Variants in PRAG1 observed in about 807,000 individuals in gnomAD.
PRAG1 encodes the protein inactive tyrosine-protein kinase PRAG1.
PRAG1 carries 110 observed loss-of-function variants against 95.6 expected under a neutral mutation model. The ratio of observed to expected loss-of-function variants is 1.15; its 90% CI spans 0.99 to 1.35. PRAG1 has a LOEUF of 1.35. Among genes scored for constraint, PRAG1 ranks in the 40% most tolerant of loss-of-function variants. The pLI is 0.00. For missense variants in PRAG1, 2,554 were observed against 1,864.7 expected (o/e 1.37, Z -6.81); for synonymous variants, 1,052 against 819.4 (o/e 1.28, Z -4.85).
At chr8:8,360,437 G>T (rs1799808810) in intron 3 of PRAG1, among the ~76,000 whole-genome samples, 1 of 152,042 alleles carries the variant, frequency 6.6e-6, no homozygotes, top group Admixed American at 6.6e-5. Flanking sequence ...GCCTCCTCTA[G>T]AAAATCCTAC....
intron 4 of PRAG1, among the ~76,000 whole-genome samples, chr8:8,333,497 A>C (rs1377048797): frequency 6.6e-6 from 1 of 152,204 alleles, no homozygotes; most frequent in Non-Finnish European, 1.5e-5. Context: ...AGAGATGAGA[A>C]ATCAGGATTT....
At position 8,348,009 on chromosome 8, in the gene PRAG1, C is replaced by T. The variant is rs145446055; in HGVS notation, c.2163-8374G>A. Among the ~76,000 whole-genome samples the T allele has an allele frequency of 6.2e-3, 939 of 152,200 alleles. 5 individuals are homozygous for T. Among genetic ancestry groups the T allele is most frequent in the African/African-American group, 0.018 (759 of 41,520 alleles). The stretch of plus-strand genomic sequence containing the variant: ...TTGGCTCACTACAACCTCTGCCTCC[C>T]CGGTTCAAGAGATTCTCATGCTTCA... On this transcript the variant is annotated intron_variant, in intron 3 of 5. Transcript: ENST00000615670.
At chr8:8,342,448 G>A (rs62496027) in intron 3 of PRAG1, among the ~76,000 whole-genome samples, 42,378 of 151,676 alleles carry the variant, frequency 0.28, 7,328 homozygotes, top group East Asian at 0.59. Flanking sequence ...TGCCCGCCTC[G>A]GCCTCCCAAA....
chr8:8,331,814 G>C (rs1271912318), intron 4 of PRAG1, among the ~76,000 whole-genome samples: 3 of 112,868 alleles, frequency 2.7e-5, no homozygotes, highest in Non-Finnish European at 6.0e-5. Flanking sequence ...TCCTGTAGGA[G>C]CTGTTAGTCA....
At chr8:8,329,355 TAC>T (rs1245953116) in intron 4 of PRAG1, among the ~76,000 whole-genome samples, 1 of 151,962 alleles carries the variant, frequency 6.6e-6, no homozygotes, top group Non-Finnish European at 1.5e-5. Context: ...ATTGCGCCAC[TAC>T]ACTCAGCCTG....
At chr8:8,348,404 C>A (rs935011721) in intron 3 of PRAG1, among the ~76,000 whole-genome samples, 1 of 152,220 alleles carries the variant, frequency 6.6e-6, no homozygotes, top group East Asian at 1.9e-4. Context: ...TTTTCTTTGA[C>A]AATCTCAATT....
chr8:8,375,021 C>G (rs1439879022), intron 3 of PRAG1, among the ~76,000 whole-genome samples: 4 of 151,556 alleles, frequency 2.6e-5, no homozygotes, highest in East Asian at 3.9e-4. Context: ...CAGTTTCGCT[C>G]TAATCGAGAG....
intron 4 of PRAG1, among the ~76,000 whole-genome samples, chr8:8,333,510 G>A (rs1798887423): frequency 6.6e-6 from 1 of 152,236 alleles, no homozygotes; most frequent in Admixed American, 6.5e-5. Flanking sequence ...CAGGATTTCA[G>A]TGGTTGGGAA....
chr8:8,341,538 T>C (rs1424695223), intron 3 of PRAG1, among the ~76,000 whole-genome samples: 14 of 152,212 alleles, frequency 9.2e-5, no homozygotes, highest in Admixed American at 9.2e-4. Flanking sequence ...TCTAAGGTTT[T>C]GTATTTCAAA....
intron 4 of PRAG1, among the ~76,000 whole-genome samples, chr8:8,335,227 A>T (rs149232970): frequency 1.5e-3 from 233 of 152,340 alleles, no homozygotes; most frequent in African/African-American, 5.2e-3. Context: ...AATCATGCCA[A>T]TGTATGGCAC....
rs769456312 is a variant in PRAG1 at position 8,328,307 on chromosome 8, G to A, written c.2475C>T (p.Ala825=). The A allele has an allele frequency of 3.0e-5, 48 of 1,613,920 alleles. No homozygotes were observed. The highest frequency in any genetic ancestry group is 4.1e-5 in the Non-Finnish European group (48 of 1,179,906). The change falls in exon 5 of 6, where the codon GCC becomes GCT. Residue 825 remains alanine, a synonymous_variant. Transcript: ENST00000615670. ...TCCAGAAGAAGCCATCCGGTGAAGAGGCTGCCCGGCTCACTATCTTTTTCT... is the reference window on the plus strand; with the variant it reads ...TCCAGAAGAAGCCATCCGGTGAAGAAGCTGCCCGGCTCACTATCTTTTTCT... The part of the protein sequence containing the change: ...LPQKKIVSRA[A]SSPDGFFWTQ...
chr8:8,325,031 C>T (rs1055833956), intron 5 of PRAG1, among the ~76,000 whole-genome samples: 1 of 152,190 alleles, frequency 6.6e-6, no homozygotes, highest in Non-Finnish European at 1.5e-5. Flanking sequence ...AACGAGGCTC[C>T]GTCTGCCTTC....
At chr8:8,337,169 C>G (rs564428109) in intron 4 of PRAG1, among the ~76,000 whole-genome samples, 52 of 152,302 alleles carry the variant, frequency 3.4e-4, no homozygotes, top group Non-Finnish European at 4.8e-4. Context: ...ATTAGAAAGG[C>G]AGACACTACA....
chr8:8,352,816 C>T (rs1799565863), intron 3 of PRAG1, among the ~76,000 whole-genome samples: 1 of 151,926 alleles, frequency 6.6e-6, no homozygotes, highest in Non-Finnish European at 1.5e-5. Context: ...TACTTGCTTA[C>T]AAAAAATCCA....
At chr8:8,355,916 A>T (rs1359334091) in intron 3 of PRAG1, among the ~76,000 whole-genome samples, 1 of 152,236 alleles carries the variant, frequency 6.6e-6, no homozygotes, top group Non-Finnish European at 1.5e-5. Context: ...AAGCAAAAAT[A>T]AATAAATGGA....
chr8:8,376,647 G>A lies in PRAG1; in HGVS notation c.1762C>T (p.Pro588Ser), dbSNP rs1800408557. The A allele has an allele frequency of 6.2e-6, 10 of 1,607,938 alleles. No individual in the cohort carries two copies. The East Asian group carries it at 2.2e-4, about 36-fold the overall frequency. ...SGGSSIGPQP[P>S]SQGPADPAPS... is the part of the protein sequence containing the mutation. ...GCGGGGTCAGCAGGACCTTGGGATG[G>A]AGGCTGGGGCCCAATGCTGCTGCCG... Residue 588 changes from proline to serine, a missense_variant, in exon 3 of 6, where the codon CCA (proline) becomes TCA (serine). Coordinates refer to ENST00000615670, the MANE Select transcript of PRAG1 (RefSeq NM_001080826.3).
intron 1 of PRAG1, among the ~76,000 whole-genome samples, chr8:8,384,532 A>G (rs1323111012): frequency 1.4e-5 from 2 of 142,910 alleles, no homozygotes; most frequent in Non-Finnish European, 3.0e-5. Context: ...TGGGCTTCCC[A>G]CTGTCATTGA....
chr8:8,321,056 G>A (rs957352377), intron 5 of PRAG1, among the ~76,000 whole-genome samples: 2 of 152,202 alleles, frequency 1.3e-5, no homozygotes, highest in Admixed American at 6.5e-5. Flanking sequence ...ATGCCTAAAA[G>A]GCATTGTTCA....
chr8:8,376,846 C>A lies in PRAG1; in HGVS notation c.1563G>T (p.Gln521His). ...CATGGCTTTCCCTGGAGCTCAGCCC[C>A]TGCCCAGCCGAAGTCTCCTCTTCAC... ...EVGEEETSAG[Q>H]GLSSRESHAH... Residue 521 changes from glutamine (Q) to histidine (H), a missense_variant, in exon 3 of 6, where the codon CAG becomes CAT. Transcript: ENST00000615670. The A allele has an allele frequency of 3.7e-6, 6 of 1,612,974 alleles. No individual in the cohort carries two copies. The highest frequency in any genetic ancestry group is 5.1e-6 in the Non-Finnish European group (6 of 1,180,016).
Sources: allele counts gnomAD v4.1 joint callset (sites outside exome capture counted in the v4.1 genomes callset), GRCh38; gene constraint gnomAD v4.1.1; transcripts MANE v1.5; gene names NCBI Gene and HGNC (gene_info 2026-07-23, HGNC 2026-07-21).